Variants in ADGRV1 observed in about 807,000 individuals in gnomAD.
ADGRV1 encodes G-protein coupled receptor 98.
In ADGRV1, 359 loss-of-function variants were observed where a neutral mutation model predicts 596.2. That is an observed-to-expected ratio of 0.60 (90% CI 0.55 to 0.66). The LOEUF is 0.66. Among genes scored for constraint, ADGRV1 ranks in the 30% least tolerant of loss-of-function variants. The probability of loss-of-function intolerance (pLI) is 0.00; values close to 1 mark genes in which losing one functional copy is unlikely to be tolerated. For synonymous variants in ADGRV1, 2,681 were observed against 2,679.2 expected, an observed-to-expected ratio of 1.00 and a Z score of -0.02; for missense variants, 7,274 against 7,575.6, an observed-to-expected ratio of 0.96 and a Z score of 1.48.
Position 90,823,420 on chromosome 5 carries a change from C to T in ADGRV1, c.16197-5C>T, listed in dbSNP as rs953709847. The T allele has an allele frequency of 1.2e-6, 2 of 1,613,126 alleles. No homozygotes were observed. The highest frequency in any genetic ancestry group is 1.7e-4 in the Middle Eastern group (1 of 6,054). On this transcript the variant is annotated splice_region_variant and splice_polypyrimidine_tract_variant and intron_variant, in intron 75 of 89. Coordinates refer to ENST00000405460, the MANE Select transcript of ADGRV1 (RefSeq NM_032119.4). ...TTAAGGCATTGGTGGGTTTCTTGCT[C>T]ACAGGGCCTTTGAAGATGTCAAGGT...
chr5:90,921,801 T>A (rs545000123), intron 83 of ADGRV1, among the ~76,000 whole-genome samples: 1 of 148,332 alleles, frequency 6.7e-6, no homozygotes, highest in African/African-American at 2.6e-5. Context: ...GTCTTGTTTT[T>A]TTTTTTTTTT....
intron 83 of ADGRV1, among the ~76,000 whole-genome samples, chr5:90,919,319 G>A (rs918448552): frequency 6.6e-6 from 1 of 152,110 alleles, no homozygotes; most frequent in Non-Finnish European, 1.5e-5. Flanking sequence ...GATCATAAAA[G>A]CAATGTTTTC....
intron 30 of ADGRV1, 93 bp downstream of exon 30, chr5:90,690,169 A>C: frequency 1.4e-6 from 1 of 733,114 alleles, no homozygotes; most frequent in Non-Finnish European, 2.3e-6. Context: ...AATTGATCTG[A>C]TCATGCTTTC....
chr5:90,816,741 T>G (rs2150258043), intron 75 of ADGRV1, among the ~76,000 whole-genome samples: 1 of 152,004 alleles, frequency 6.6e-6, no homozygotes, highest in South Asian at 2.1e-4. Flanking sequence ...GGACATGAAC[T>G]CATCATTTTT....
chr5:90,763,393 T>A lies in ADGRV1; in HGVS notation c.12209T>A (p.Val4070Asp). ...VVRSPGGKGTVRLEWTIDEKA... is the reference protein window; with the variant it reads ...VVRSPGGKGTDRLEWTIDEKA... The stretch of plus-strand genomic sequence containing the variant: ...CGGTCCCCAGGAGGAAAAGGAACCG[T>A]CCGACTTGAGTGGACCATAGATGAG... Residue 4070 changes from valine to aspartate, a missense_variant, in exon 59 of 90, where the codon GTC becomes GAC. Val to Asp is a radical substitution (Grantham distance 152). This residue lies in a region of ADGRV1 where 3,643 missense variants were observed against 3,809.2 expected (regional missense o/e 0.96). Transcript: ENST00000405460. 1 of 1,613,624 alleles carries A rather than the reference T, an allele frequency of 6.2e-7. No individual in the cohort carries two copies. The highest frequency in any genetic ancestry group is 2.2e-5 in the East Asian group (1 of 44,864).
chr5:91,140,938 A>G (rs1795046239), intron 87 of ADGRV1, among the ~76,000 whole-genome samples: 1 of 152,190 alleles, frequency 6.6e-6, no homozygotes, highest in Non-Finnish European at 1.5e-5. Flanking sequence ...CAGGGATCAG[A>G]TTATCTGGAA....
At chr5:90,726,820 T>C (rs1230762830) in intron 48 of ADGRV1, among the ~76,000 whole-genome samples, 1 of 152,234 alleles carries the variant, frequency 6.6e-6, no homozygotes, top group Non-Finnish European at 1.5e-5. Context: ...TTATCAATCC[T>C]GTGGTTTTAA....
chr5:91,049,362 A>G (rs1786114652), intron 85 of ADGRV1, among the ~76,000 whole-genome samples: 1 of 152,174 alleles, frequency 6.6e-6, no homozygotes, highest in Non-Finnish European at 1.5e-5. Context: ...CAGGATGTCT[A>G]CTTCATTCTT....
At chr5:90,672,477 G>C in intron 21 of ADGRV1, 69 bp from the exon 22 acceptor site, 1 of 1,253,464 alleles carries the variant, frequency 8.0e-7, no homozygotes, top group South Asian at 1.4e-5. Context: ...AGGATTTCAT[G>C]GAAGCATTGT....
intron 86 of ADGRV1, among the ~76,000 whole-genome samples, chr5:91,090,262 A>G (rs1790270140): frequency 6.6e-6 from 1 of 152,202 alleles, no homozygotes; most frequent in Admixed American, 6.5e-5. Flanking sequence ...CATGGTTCAA[A>G]TAGAATTACT....
At chr5:90,910,233 T>C (rs1338848965) in intron 83 of ADGRV1, among the ~76,000 whole-genome samples, 1 of 152,272 alleles carries the variant, frequency 6.6e-6, no homozygotes, top group Non-Finnish European at 1.5e-5. Context: ...GAGCTGATAC[T>C]TGTGCTCCTA....
chr5:90,953,292 C>CAT (rs1363866342), intron 83 of ADGRV1, among the ~76,000 whole-genome samples: 1 of 152,126 alleles, frequency 6.6e-6, no homozygotes, highest in African/African-American at 2.4e-5. Flanking sequence ...GGGACAATAA[C>CAT]ATTATAAGAC....
chr5:90,689,751 G>A (rs1413599412), intron 29 of ADGRV1, 110 bp from the exon 30 acceptor site: 1 of 694,550 alleles, frequency 1.4e-6, no homozygotes, highest in African/African-American at 1.8e-5. Context: ...CCTCAAAAAA[G>A]TATTTCCAAG....
intron 85 of ADGRV1, among the ~76,000 whole-genome samples, chr5:90,986,302 C>T (rs916944669): frequency 6.6e-6 from 1 of 151,580 alleles, no homozygotes; most frequent in African/African-American, 2.4e-5. Flanking sequence ...TATTCACAAT[C>T]TTTTGAAGAC....
Position 90,716,707 on chromosome 5 carries a change from T to C in ADGRV1, c.9425T>C (p.Leu3142Ser). 2 of 1,612,778 alleles carry C rather than the reference T, an allele frequency of 1.2e-6. No individual in the cohort carries two copies. The highest frequency in any genetic ancestry group is 1.7e-6 in the Non-Finnish European group (2 of 1,178,848). ...ACTCCTTCCAAAGGCTATATTGTTT[T>C]AGAAGAAGGTGTTCGATTCAAGGTA... ...DLTPSKGYIV[L>S]EEGVRFKALQ... is the part of the protein sequence containing the mutation. The change falls in exon 43 of 90, where the codon TTA becomes TCA. Residue 3142 changes from leucine to serine, a missense_variant. Physicochemically the swap from Leu to Ser is moderately radical, Grantham distance 145 (BLOSUM62 -2). This residue lies in a region of ADGRV1 where 3,643 missense variants were observed against 3,809.2 expected (regional missense o/e 0.96). Coordinates refer to ENST00000405460, the MANE Select transcript of ADGRV1 (RefSeq NM_032119.4).
Position 90,788,174 on chromosome 5 carries a change from A to C in ADGRV1, c.13757A>C (p.Glu4586Ala). 1.2e-6 allele frequency: 2 copies of C among 1,613,856 alleles called. No homozygotes were observed. The highest frequency in any genetic ancestry group is 1.7e-6 in the Non-Finnish European group (2 of 1,179,792). Residue 4586 changes from glutamate to alanine, a missense_variant, in exon 68 of 90, where the codon GAA (glutamate) becomes GCA (alanine). Physicochemically the swap from Glu to Ala is moderately radical, Grantham distance 107 (BLOSUM62 -1). Around this residue, in one of 5 missense-constraint regions of ADGRV1, gnomAD observed 3,643 missense variants for 3,809.2 expected, o/e 0.96. Coordinates refer to ENST00000405460, the MANE Select transcript of ADGRV1 (RefSeq NM_032119.4). ...VSGLFYFGEG[E>A]GGVRTIILTI... ...GGGTTGTTCTATTTTGGAGAAGGAG[A>C]AGGAGGAGTGAGAACCATAATTCTG...
At chr5:90,996,024 G>A (rs1301533884) in intron 85 of ADGRV1, among the ~76,000 whole-genome samples, 2 of 152,176 alleles carry the variant, frequency 1.3e-5, no homozygotes, top group African/African-American at 4.8e-5. Flanking sequence ...ATTTAAAAGG[G>A]AAGCAAAGCA....
chr5:90,707,433 A>G (rs531844871), intron 38 of ADGRV1, among the ~76,000 whole-genome samples: 2 of 152,296 alleles, frequency 1.3e-5, no homozygotes, highest in African/African-American at 2.4e-5. Context: ...GTATTTTATT[A>G]TCTTGGAGGC....
intron 87 of ADGRV1, among the ~76,000 whole-genome samples, chr5:91,140,290 C>T (rs955666281): frequency 4.6e-5 from 7 of 152,202 alleles, no homozygotes; most frequent in Non-Finnish European, 8.8e-5. Flanking sequence ...CTTTCATCAT[C>T]ATCAATACTG....
Sources: gnomAD v4.1 joint callset for allele counts (sites outside exome capture counted in the v4.1 genomes callset) on GRCh38, gnomAD v4.1.1 for gene constraint, gnomAD v4.1.1 regional missense constraint, MANE v1.5 for transcripts, NCBI Gene and HGNC (gene_info 2026-07-23, HGNC 2026-07-21) for gene names.